Variants in INPP5F observed in about 807,000 individuals in gnomAD.
The protein encoded by INPP5F is phosphatidylinositide 4-phosphatase SAC2.
Under a neutral mutation model 137.2 loss-of-function variants are expected in INPP5F, and 97 were observed. The ratio of observed to expected loss-of-function variants is 0.71; its 90% CI spans 0.60 to 0.84. The LOEUF is 0.84. INPP5F is among the 40% of genes least tolerant of loss of function. The probability of loss-of-function intolerance (pLI) is 0.00; values close to 1 mark genes in which losing one functional copy is unlikely to be tolerated. For synonymous variants in INPP5F, 504 were observed against 476.9 expected, an observed-to-expected ratio of 1.06 and a Z score of -0.74; for missense variants, 1,271 against 1,371.9, an observed-to-expected ratio of 0.93 and a Z score of 1.16.
chr10:119,752,290 G>A (rs1848710105), intron 2 of INPP5F, among the ~76,000 whole-genome samples: 1 of 152,162 alleles, frequency 6.6e-6, no homozygotes, highest in Non-Finnish European at 1.5e-5. Flanking sequence ...CCTAGGTTAA[G>A]AAATGAAATA....
chr10:119,807,040 G>A (rs1589738242), intron 12 of INPP5F, among the ~76,000 whole-genome samples: 3 of 152,112 alleles, frequency 2.0e-5, no homozygotes, highest in Non-Finnish European at 4.4e-5. Flanking sequence ...GGAGGCTGAG[G>A]TGGGTGGATC....
At chr10:119,745,297 C>G (rs2134116201) in intron 1 of INPP5F, among the ~76,000 whole-genome samples, 1 of 152,118 alleles carries the variant, frequency 6.6e-6, no homozygotes, top group Middle Eastern at 3.4e-3. Context: ...CAGCTCACTC[C>G]CTAAGCTCTT....
intron 16 of INPP5F, among the ~76,000 whole-genome samples, chr10:119,822,134 C>T (rs376957946): frequency 1.6e-4 from 25 of 152,136 alleles, no homozygotes; most frequent in African/African-American, 4.3e-4. Context: ...ATGATCCACC[C>T]GCCTCGGCCC....
At chr10:119,739,012 T>C (rs1458458456) in intron 1 of INPP5F, among the ~76,000 whole-genome samples, 1 of 115,538 alleles carries the variant, frequency 8.7e-6, no homozygotes, top group Non-Finnish European at 1.8e-5. Context: ...ATAGACCTTA[T>C]CTCTACTAAG....
intron 2 of INPP5F, among the ~76,000 whole-genome samples, chr10:119,770,844 T>C (rs1036089686): frequency 2.6e-5 from 4 of 152,200 alleles, no homozygotes; most frequent in Non-Finnish European, 5.9e-5. Flanking sequence ...TGGCAGAAAG[T>C]ATACTTTTAG....
chr10:119,744,080 A>G (rs943733840), intron 1 of INPP5F, among the ~76,000 whole-genome samples: 5 of 152,236 alleles, frequency 3.3e-5, no homozygotes, highest in African/African-American at 1.2e-4. Context: ...GTTTCATTAA[A>G]TATTTCTCCA....
chr10:119,773,601 AT>A (rs936911583), intron 2 of INPP5F, among the ~76,000 whole-genome samples: 1 of 151,986 alleles, frequency 6.6e-6, no homozygotes, highest in African/African-American at 2.4e-5. Context: ...TGAGATGCTC[AT>A]TTTTACATAG....
intron 19 of INPP5F, among the ~76,000 whole-genome samples, chr10:119,825,348 A>G (rs1020436184): frequency 6.6e-6 from 1 of 152,178 alleles, no homozygotes; most frequent in Non-Finnish European, 1.5e-5. Context: ...CCTCAGTTTC[A>G]AGAAAAACTC....
chr10:119,818,072 A>G (rs763566959), intron 15 of INPP5F, among the ~76,000 whole-genome samples: 11 of 152,182 alleles, frequency 7.2e-5, no homozygotes, highest in Non-Finnish European at 1.3e-4. Flanking sequence ...GAAACCGGGA[A>G]CTGTCCAGCA....
chr10:119,795,764 C>T (rs1163796593), intron 6 of INPP5F, among the ~76,000 whole-genome samples: 10 of 152,308 alleles, frequency 6.6e-5, no homozygotes, highest in African/African-American at 2.2e-4. Context: ...CGAGATCATG[C>T]CACTGCACTC....
chr10:119,758,378 T>C (rs1420305555), intron 2 of INPP5F, among the ~76,000 whole-genome samples: 2 of 152,150 alleles, frequency 1.3e-5, no homozygotes, highest in African/African-American at 4.8e-5. Flanking sequence ...AAAGGCCCGG[T>C]TCTTGGCAGA....
In INPP5F at chr10:119,792,020, G is replaced by A. The variant is rs760510999; in HGVS notation, c.596G>A (p.Arg199Gln). ...CAGAGCACTGGGGAGAGGGACGGTC[G>A]GCCCCTCTGGCAGAAGGTACCACTC... ...QRQSTGERDG[R>Q]PLWQKVDDRF... The change falls in exon 5 of 20, where the codon CGG (arginine) becomes CAG (glutamine). Residue 199 changes from arginine to glutamine, a missense_variant. Physicochemically the swap from Arg to Gln is conservative, Grantham distance 43. Transcript: ENST00000650623. The A allele has an allele frequency of 5.6e-6, 9 of 1,614,038 alleles. No homozygotes were observed. Among genetic ancestry groups the A allele is most frequent in the Admixed American group, 3.3e-5 (2 of 59,996 alleles).
intron 2 of INPP5F, among the ~76,000 whole-genome samples, chr10:119,777,400 C>T (rs1038818319): frequency 7.2e-5 from 11 of 152,144 alleles, no homozygotes; most frequent in African/African-American, 2.7e-4. Context: ...GTGGCGGGCG[C>T]CTGTAGTCCC....
At chr10:119,772,820 C>G (rs1017421337) in intron 2 of INPP5F, among the ~76,000 whole-genome samples, 1 of 151,224 alleles carries the variant, frequency 6.6e-6, no homozygotes, top group East Asian at 1.9e-4. Context: ...CTTGGCTCAC[C>G]GCAACCTCCA....
intron 2 of INPP5F, among the ~76,000 whole-genome samples, chr10:119,781,383 T>C (rs1335859846): frequency 6.6e-6 from 1 of 152,268 alleles, no homozygotes; most frequent in African/African-American, 2.4e-5. Flanking sequence ...TCTTGTTAAT[T>C]GTTCCCAATC....
intron 15 of INPP5F, among the ~76,000 whole-genome samples, chr10:119,812,847 T>C (rs1304923938): frequency 2.0e-5 from 3 of 152,160 alleles, no homozygotes; most frequent in Non-Finnish European, 2.9e-5. Context: ...TTAAGCCATT[T>C]GGTAAAGCTA....
intron 11 of INPP5F, among the ~76,000 whole-genome samples, chr10:119,805,859 AG>A (rs1850760628): frequency 1.3e-5 from 2 of 152,304 alleles, no homozygotes; most frequent in South Asian, 2.1e-4. Context: ...TGAGTACAGG[AG>A]GTTTAAATTG....
intron 1 of INPP5F, among the ~76,000 whole-genome samples, chr10:119,734,704 A>T (rs1296905052): frequency 6.6e-6 from 1 of 152,196 alleles, no homozygotes; most frequent in Non-Finnish European, 1.5e-5. Context: ...GCATGGTTTT[A>T]TGGGGAATTA....
intron 2 of INPP5F, among the ~76,000 whole-genome samples, chr10:119,755,336 T>C (rs887366245): frequency 6.6e-6 from 1 of 152,186 alleles, no homozygotes. Flanking sequence ...ATGGCCACCA[T>C]CCCCTTGTGT....
Sources: allele counts gnomAD v4.1 joint callset (sites outside exome capture counted in the v4.1 genomes callset), GRCh38; gene constraint gnomAD v4.1.1; transcripts MANE v1.5; gene names NCBI Gene and HGNC (gene_info 2026-07-23, HGNC 2026-07-21).